Variants in SLC30A4 observed in about 807,000 individuals in gnomAD.
SLC30A4 encodes probable proton-coupled zinc antiporter SLC30A4.
In SLC30A4, 20 loss-of-function variants were observed where a neutral mutation model predicts 41.7. That is an observed-to-expected ratio of 0.48 (90% confidence interval 0.34 to 0.70). The LOEUF is 0.70. SLC30A4 is among the 30% of genes least tolerant of loss of function. The pLI is 0.01. For missense variants in SLC30A4, 441 were observed against 529.3 expected (o/e 0.83, Z 1.64); for synonymous variants, 181 against 195.9 (o/e 0.92, Z 0.64).
In SLC30A4 at chr15:45,482,895, A is replaced by G. The variant is rs1462529972; in HGVS notation, c.*2268T>C. On this transcript the variant is annotated 3_prime_UTR_variant, in exon 8 of 8. Transcript: ENST00000261867. The stretch of plus-strand genomic sequence containing the variant: ...CAGCCTCAACCTCCTGGGCTAAAGC[A>G]CTTCTGCCACAGCCTTACAAGTAGC... The G allele has an allele frequency of 1.3e-5, 2 of 152,108 alleles. No homozygotes were observed. The highest frequency in any genetic ancestry group is 1.3e-4 in the Admixed American group (2 of 15,254). 9.4% of individuals were successfully genotyped at this position (152,108 alleles called of 1,614,324 possible). A position where few individuals can be genotyped will look rare whatever the true frequency, so the allele number is the denominator to read the frequency against.
At chr15:45,510,182 G>C (rs935938373) in intron 3 of SLC30A4, among the ~76,000 whole-genome samples, 1 of 150,552 alleles carries the variant, frequency 6.6e-6, no homozygotes, top group Non-Finnish European at 1.5e-5. Context: ...TAAATTCAAA[G>C]AAAATGTACG....
At chr15:45,510,909 C>T (rs1892273242) in intron 3 of SLC30A4, among the ~76,000 whole-genome samples, 1 of 152,172 alleles carries the variant, frequency 6.6e-6, no homozygotes, top group Non-Finnish European at 1.5e-5. Context: ...ACATAGGGAG[C>T]AACCTTTGAA....
At chr15:45,501,350 T>A (rs951574912) in intron 3 of SLC30A4, among the ~76,000 whole-genome samples, 1 of 152,102 alleles carries the variant, frequency 6.6e-6, no homozygotes, top group Non-Finnish European at 1.5e-5. Context: ...TTCCAAATAT[T>A]TAGTCCCAAA....
intron 3 of SLC30A4, chr15:45,497,005 C>A (rs1019312642): frequency 6.6e-6 from 1 of 150,884 alleles, no homozygotes. Context: ...TCAGCCTGGG[C>A]AACAGAGCAA....
In SLC30A4 at chr15:45,479,786, C is replaced by A. The variant is rs557399875; in HGVS notation, c.*5377G>T. The A allele has an allele frequency of 9.9e-5, 15 of 151,292 alleles. No individual in the cohort carries two copies. The South Asian group carries it at 1.0e-3, about 11-fold the overall frequency. The allele number at this position is 151,292 out of a possible 1,614,324, so 9.4% of individuals were successfully genotyped here. A position where few individuals can be genotyped will look rare whatever the true frequency, so the allele number is the denominator to read the frequency against. ...TTATTTAATAAACCACATGGCAAAACAATACTTTAATAAGTGTATAGGAAA... is the reference window on the plus strand; with the variant it reads ...TTATTTAATAAACCACATGGCAAAAAAATACTTTAATAAGTGTATAGGAAA... On this transcript the variant is annotated 3_prime_UTR_variant, in exon 8 of 8. Transcript: ENST00000261867.
At position 45,480,761 on chromosome 15, in the gene SLC30A4, A is replaced by C. The variant is rs892632888; in HGVS notation, c.*4402T>G. The C allele has an allele frequency of 1.3e-5, 2 of 148,200 alleles. No individual in the cohort carries two copies. The highest frequency in any genetic ancestry group is 5.2e-5 in the African/African-American group (2 of 38,164). The allele number at this position is 148,200 out of a possible 1,614,324, so 9.2% of individuals were successfully genotyped here. On this transcript the variant is annotated 3_prime_UTR_variant, in exon 8 of 8. Transcript: ENST00000261867. ...GCATAAAAGGAAAATAGATTTAGCT[A>C]ACTGCTTGTTTCAAAATCAAATAAG... is the stretch of plus-strand genomic sequence containing the variant.
chr15:45,500,145 G>A (rs1353373012), intron 3 of SLC30A4, among the ~76,000 whole-genome samples: 1 of 152,124 alleles, frequency 6.6e-6, no homozygotes, highest in East Asian at 1.9e-4. Context: ...AAGAACGGTA[G>A]GCCATTTTGG....
intron 3 of SLC30A4, among the ~76,000 whole-genome samples, chr15:45,497,529 C>T (rs1220478349): frequency 6.6e-6 from 1 of 151,904 alleles, no homozygotes; most frequent in Non-Finnish European, 1.5e-5. Flanking sequence ...GAAATACAAA[C>T]AAATGTTTAT....
intron 3 of SLC30A4, among the ~76,000 whole-genome samples, chr15:45,509,724 C>G (rs1206469321): frequency 1.3e-5 from 2 of 152,142 alleles, no homozygotes; most frequent in Admixed American, 1.3e-4. Flanking sequence ...GGTACAGTGT[C>G]AAGTTTTGCA....
chr15:45,499,081 ATTTTTTTT>A (rs58257947), intron 3 of SLC30A4, among the ~76,000 whole-genome samples: 1 of 132,902 alleles, frequency 7.5e-6, no homozygotes, highest in Admixed American at 7.8e-5. Flanking sequence ...GCCTAGGCTG[ATTTTTTTT>A]TTTTTTTTTT....
intron 3 of SLC30A4, among the ~76,000 whole-genome samples, chr15:45,496,811 C>T (rs528456618): frequency 6.6e-6 from 1 of 150,960 alleles, no homozygotes; most frequent in South Asian, 2.1e-4. Flanking sequence ...GCCTGGGAAA[C>T]ATGGTGAAAT....
chr15:45,521,864 T>C (rs1342474014), intron 2 of SLC30A4, 100 bp downstream of exon 2: 3 of 1,242,754 alleles, frequency 2.4e-6, no homozygotes, highest in Non-Finnish European at 3.4e-6. Context: ...AATACAAACT[T>C]CCTGAAAAGA....
chr15:45,493,386 A>C (rs1891847929), intron 3 of SLC30A4, among the ~76,000 whole-genome samples: 1 of 152,234 alleles, frequency 6.6e-6, no homozygotes, highest in Non-Finnish European at 1.5e-5. Context: ...TAATCTGGAA[A>C]ACTGTTATGT....
At position 45,485,191 on chromosome 15, in the gene SLC30A4, C is replaced by G. The variant is rs748844170; in HGVS notation, c.1262G>C (p.Cys421Ser). The G allele has an allele frequency of 3.1e-6, 5 of 1,612,374 alleles. No homozygotes were observed. The highest frequency in any genetic ancestry group is 2.2e-5 in the East Asian group (1 of 44,820). ...GGGACTAGAACTCTGACAATTTGCACAAGTTCTGTCCACTTCTTGCCTGTA... is the reference window on the plus strand; with the variant it reads ...GGGACTAGAACTCTGACAATTTGCAGAAGTTCTGTCCACTTCTTGCCTGTA... ...QSYRQEVDRT[C>S]ANCQSSSP Residue 421 changes from cysteine (C) to serine (S), a missense_variant, in exon 8 of 8, where the codon TGT becomes TCT. Physicochemically the swap from Cys to Ser is moderately radical, Grantham distance 112. Transcript: ENST00000261867.
chr15:45,506,230 T>G (rs184764367), intron 3 of SLC30A4, among the ~76,000 whole-genome samples: 1 of 152,130 alleles, frequency 6.6e-6, no homozygotes, highest in East Asian at 1.9e-4. Flanking sequence ...AATAAATAAA[T>G]TAATAAAATA....
chr15:45,512,141 C>T (rs1396589861), intron 2 of SLC30A4, among the ~76,000 whole-genome samples: 1 of 152,122 alleles, frequency 6.6e-6, no homozygotes, highest in Non-Finnish European at 1.5e-5. Context: ...ATTTTCCAGG[C>T]ATTTAATATA....
chr15:45,489,468 A>G (rs1158672732), intron 4 of SLC30A4, among the ~76,000 whole-genome samples: 4 of 151,862 alleles, frequency 2.6e-5, no homozygotes, highest in African/African-American at 4.8e-5. Context: ...AGGCCCCAAC[A>G]TGAAAATGTG....
At chr15:45,488,140 A>G (rs1891744136) in intron 5 of SLC30A4, among the ~76,000 whole-genome samples, 1 of 152,170 alleles carries the variant, frequency 6.6e-6, no homozygotes, top group Non-Finnish European at 1.5e-5. Context: ...AAGAAGAGGG[A>G]ACTCAAGTTT....
chr15:45,490,162 G>C (rs1888509199), intron 4 of SLC30A4, among the ~76,000 whole-genome samples: 1 of 152,098 alleles, frequency 6.6e-6, no homozygotes, highest in African/African-American at 2.4e-5. Flanking sequence ...CCCAATCATA[G>C]CTCAATGCAG....
Sources: allele counts gnomAD v4.1 joint callset (sites outside exome capture counted in the v4.1 genomes callset), GRCh38; gene constraint gnomAD v4.1.1; transcripts MANE v1.5; gene names NCBI Gene and HGNC (gene_info 2026-07-23, HGNC 2026-07-21).